Variants in CCNE2 observed in about 807,000 individuals in gnomAD.
CCNE2 encodes the protein G1/S-specific cyclin-E2.
CCNE2 carries 18 observed loss-of-function variants against 56.8 expected under a neutral mutation model. The observed-to-expected ratio is 0.32, with a 90% CI of 0.22 to 0.47. The LOEUF (loss-of-function observed/expected upper bound fraction) is 0.47, where lower values mean the gene tolerates loss of function less well. Among genes scored for constraint, CCNE2 ranks in the 20% least tolerant of loss-of-function variants. The pLI, the probability that CCNE2 is intolerant of heterozygous loss-of-function variation, is 1.00. For missense variants in CCNE2, 371 were observed against 467.1 expected (o/e 0.79, Z 1.90); for synonymous variants, 139 against 149.2 (o/e 0.93, Z 0.50).
At chr8:94,894,982 C>T (rs1164252613) in intron 1 of CCNE2, among the ~76,000 whole-genome samples, 195 bp downstream of exon 1, 2 of 152,314 alleles carry the variant, frequency 1.3e-5, no homozygotes, top group Non-Finnish European at 2.9e-5. Flanking sequence ...TGAGGGGCGG[C>T]TCTCCATGCC....
Position 94,885,482 on chromosome 8 carries a change from A to G in CCNE2, c.677T>C (p.Met226Thr). 1 of 1,599,160 alleles carries G rather than the reference A, an allele frequency of 6.3e-7. No individual in the cohort carries two copies. Residue 226 changes from methionine (M) to threonine (T), a missense_variant, in exon 8 of 12, where the codon ATG (methionine) becomes ACG (threonine). By Grantham distance (81) the Met-to-Thr change is moderately conservative (BLOSUM62 -1). Transcript: ENST00000308108. ...GACSEEDILR[M>T]ELIILKALKW... ...TATTACCTTTAATATAATGAGTTCCATCCTTAAGATATCCTCTTCACTGCA... is the reference window on the plus strand; with the variant it reads ...TATTACCTTTAATATAATGAGTTCCGTCCTTAAGATATCCTCTTCACTGCA...
intron 6 of CCNE2, among the ~76,000 whole-genome samples, chr8:94,890,111 A>C (rs1370341356): frequency 4.6e-5 from 7 of 152,210 alleles, no homozygotes; most frequent in Admixed American, 3.9e-4. Flanking sequence ...TTCAAAACCT[A>C]ATCAACTATA....
At chr8:94,883,771 C>G (rs2131099836) in intron 9 of CCNE2, 1 of 360,100 alleles carries the variant, frequency 2.8e-6, no homozygotes, top group East Asian at 7.5e-5. Flanking sequence ...GCTGTATAAT[C>G]TAGGCAATAA....
At chr8:94,888,162 G>T in intron 6 of CCNE2, 89 bp from the exon 7 acceptor site, 1 of 877,800 alleles carries the variant, frequency 1.1e-6, no homozygotes, top group Non-Finnish European at 1.7e-6. Context: ...TTTAAAATAT[G>T]TTTAAGCCAA....
intron 11 of CCNE2, 137 bp from the exon 12 acceptor site, chr8:94,881,882 A>C: frequency 9.4e-7 from 1 of 1,063,148 alleles, no homozygotes; most frequent in Non-Finnish European, 1.3e-6. Context: ...TCATATTCTG[A>C]AAGTTTCTGT....
chr8:94,895,115 G>T, intron 1 of CCNE2, 62 bp downstream of exon 1: 1 of 929,558 alleles, frequency 1.1e-6, no homozygotes, highest in Non-Finnish European at 1.3e-6. Context: ...CCTGTGGTAA[G>T]TGATCGGCCC....
At position 94,882,236 on chromosome 8, in the gene CCNE2, T is replaced by C; in HGVS notation, c.997A>G (p.Asn333Asp). ...ECVDWMVPFV[N>D]VVKSTSPVKL... ...ACTGGACTAGTACTTTTTACTACAT[T>C]GACAAAAGGTACCATCCAATCTACA... The change falls in exon 11 of 12, where the codon AAT becomes GAT. Residue 333 changes from asparagine to aspartate, a missense_variant. By Grantham distance (23) the Asn-to-Asp change is conservative. Transcript: ENST00000308108. 1.2e-6 allele frequency: 2 copies of C among 1,613,002 alleles called. No homozygotes were observed. The highest frequency in any genetic ancestry group is 1.1e-5 in the South Asian group (1 of 90,992).
At position 94,895,166 on chromosome 8, in the gene CCNE2, C is replaced by T. The variant is rs748274348; in HGVS notation, c.-27+11G>A. 45 of 985,766 alleles carry T rather than the reference C, an allele frequency of 4.6e-5. No individual in the cohort carries two copies. The highest frequency in any genetic ancestry group is 5.1e-5 in the Non-Finnish European group (42 of 830,212). 61.1% of individuals were successfully genotyped at this position (985,766 alleles called of 1,614,324 possible). A position where few individuals can be genotyped will look rare whatever the true frequency, so the allele number is the denominator to read the frequency against. On this transcript the variant is annotated intron_variant, in intron 1 of 11. Coordinates refer to ENST00000308108, the MANE Select transcript of CCNE2 (RefSeq NM_057749.3). ...CCTCCCACATCCCCCCTACGCGCAG[C>T]AACTCCTCACCGCCAGACCAGCTAC... is the stretch of plus-strand genomic sequence containing the variant.
At chr8:94,890,591 ATTTTTTTTT>A (rs33988905) in intron 5 of CCNE2, 41 bp from the exon 6 acceptor site, 4,561 of 310,808 alleles carry the variant, frequency 0.015, 205 homozygotes, top group African/African-American at 0.11. Context: ...ATATATATAT[ATTTTTTTTT>A]TTTTTTTTTT....
chr8:94,892,021 G>A, intron 5 of CCNE2: 2 of 818,076 alleles, frequency 2.4e-6, no homozygotes, highest in Non-Finnish European at 4.1e-6. Flanking sequence ...GGAACAAATT[G>A]TTCCTAAACC....
At chr8:94,883,773 A>G (rs556003237) in intron 9 of CCNE2, 2 of 364,452 alleles carry the variant, frequency 5.5e-6, no homozygotes, top group Admixed American at 2.5e-5. Context: ...TGTATAATCT[A>G]GGCAATAAGA....
intron 4 of CCNE2, 108 bp downstream of exon 4, chr8:94,893,783 G>T: frequency 8.4e-7 from 1 of 1,190,170 alleles, no homozygotes; most frequent in Non-Finnish European, 1.2e-6. Context: ...GGCATTAAAA[G>T]TAAAAGTGTC....
chr8:94,894,427 C>G, intron 1 of CCNE2, 180 bp from the exon 2 acceptor site: 1 of 607,764 alleles, frequency 1.6e-6, no homozygotes. Flanking sequence ...TGGATACAAG[C>G]CTGCATTTCC....
intron 6 of CCNE2, among the ~76,000 whole-genome samples, chr8:94,888,483 C>T (rs768218998): frequency 2.0e-5 from 3 of 151,626 alleles, no homozygotes; most frequent in Non-Finnish European, 4.4e-5. Context: ...ACAGTAACTC[C>T]GTAAGTAGGT....
At chr8:94,891,153 T>G (rs1817225480) in intron 5 of CCNE2, 1 of 152,336 alleles carries the variant, frequency 6.6e-6, no homozygotes, top group Non-Finnish European at 1.5e-5. Context: ...TGCTTTCTAG[T>G]TCCACTTATT....
chr8:94,880,336 GTTTTC>G lies in CCNE2; in HGVS notation c.*1291_*1295del, dbSNP rs1184531536. The G allele has an allele frequency of 8.4e-6, 5 of 595,356 alleles. No individual in the cohort carries two copies. Among genetic ancestry groups the G allele is most frequent in the Admixed American group, 3.4e-5 (1 of 29,790 alleles). The allele number at this position is 595,356 out of a possible 1,614,324, so 36.9% of individuals were successfully genotyped here. On this transcript the variant is annotated 3_prime_UTR_variant, in exon 12 of 12. Coordinates refer to ENST00000308108, the MANE Select transcript of CCNE2 (RefSeq NM_057749.3). ...AATACATATGTACACAATTAGTGGT[GTTTTC>G]TTTTCAGACAAAATACTGAAACAAA...
chr8:94,882,500 G>A (rs1227938725), intron 10 of CCNE2, among the ~76,000 whole-genome samples: 2 of 152,202 alleles, frequency 1.3e-5, no homozygotes, highest in Admixed American at 1.3e-4. Flanking sequence ...TTCTTAACCA[G>A]TACCTTCTAC....
chr8:94,893,839 T>C, intron 4 of CCNE2, 52 bp downstream of exon 4: 1 of 1,485,802 alleles, frequency 6.7e-7, no homozygotes, highest in Non-Finnish European at 9.4e-7. Flanking sequence ...CTATTCTTAT[T>C]CATCTATCCT....
chr8:94,882,946 G>T, intron 9 of CCNE2, 54 bp from the exon 10 acceptor site: 2 of 1,176,420 alleles, frequency 1.7e-6, no homozygotes, highest in Non-Finnish European at 2.5e-6. Flanking sequence ...AGTACTAAAT[G>T]TCTCTTGCTA....
Sources: allele counts gnomAD v4.1 joint callset (sites outside exome capture counted in the v4.1 genomes callset), GRCh38; gene constraint gnomAD v4.1.1; transcripts MANE v1.5; gene names NCBI Gene and HGNC (gene_info 2026-07-23, HGNC 2026-07-21).